Variants in DACH2 observed in about 807,000 individuals in gnomAD.
The protein encoded by DACH2 is dachshund homolog 2.
A neutral mutation model predicts 35.8 loss-of-function variants in DACH2; 17 were observed. The ratio of observed to expected loss-of-function variants is 0.48; its 90% CI spans 0.33 to 0.71. The LOEUF is 0.71. Ranked by LOEUF, DACH2 falls within the 30% of genes least tolerant of loss-of-function variation. The probability of loss-of-function intolerance (pLI) is 0.02; values close to 1 mark genes in which losing one functional copy is unlikely to be tolerated. For missense variants in DACH2, 469 were observed against 472.7 expected (o/e 0.99, Z 0.07); for synonymous variants, 195 against 177.3 (o/e 1.10, Z -0.79).
At chrX:86,357,941 A>G (rs2035669610) in intron 1 of DACH2, among the ~76,000 whole-genome samples, 1 of 112,176 alleles carries the variant, frequency 8.9e-6, no homozygotes, top group African/African-American at 3.2e-5. Context: ...GCAGCACTTG[A>G]GCTGAGTTTC....
intron 2 of DACH2, among the ~76,000 whole-genome samples, chrX:86,450,659 C>T (rs774420930): frequency 2.7e-5 from 3 of 110,219 alleles, no homozygotes; most frequent in Non-Finnish European, 3.8e-5. Flanking sequence ...CTGTCTTCCA[C>T]ATGGTTGAAA....
intron 1 of DACH2, among the ~76,000 whole-genome samples, chrX:86,234,068 G>A (rs2033006472): frequency 8.9e-6 from 1 of 112,078 alleles, no homozygotes; most frequent in Admixed American, 9.5e-5. Context: ...AGGTGTTTAT[G>A]GTTCAGGATA....
At chrX:86,782,957 A>C (rs954776458) in intron 7 of DACH2, among the ~76,000 whole-genome samples, 3 of 111,796 alleles carry the variant, frequency 2.7e-5, no homozygotes, top group African/African-American at 9.7e-5. Context: ...CAAAGAATAC[A>C]ATCAAAAAAG....
intron 2 of DACH2, among the ~76,000 whole-genome samples, chrX:86,458,845 G>A (rs1172398187): frequency 9.0e-6 from 1 of 110,704 alleles, no homozygotes; most frequent in Non-Finnish European, 1.9e-5. Flanking sequence ...ACAGGGAAGG[G>A]AATATCACAT....
intron 1 of DACH2, among the ~76,000 whole-genome samples, chrX:86,183,891 G>A (rs908294551): frequency 1.8e-5 from 2 of 111,085 alleles, no homozygotes; most frequent in African/African-American, 6.6e-5. Flanking sequence ...ACTTCTTCCT[G>A]GTTTAGACTT....
chrX:86,500,233 TC>T (rs1477060272), intron 2 of DACH2, among the ~76,000 whole-genome samples: 1 of 111,834 alleles, frequency 8.9e-6, no homozygotes, highest in East Asian at 2.8e-4. Flanking sequence ...CAGTATGTCT[TC>T]GCCGATTAAA....
At chrX:86,206,170 A>G (rs2032306032) in intron 1 of DACH2, among the ~76,000 whole-genome samples, 1 of 111,327 alleles carries the variant, frequency 9.0e-6, no homozygotes. Context: ...CTGATGAACT[A>G]CACTCATGTT....
At chrX:86,630,697 C>CT (rs72243221) in intron 3 of DACH2, among the ~76,000 whole-genome samples, 113 of 102,984 alleles carry the variant, frequency 1.1e-3, no homozygotes, top group African/African-American at 2.7e-3. Flanking sequence ...GCTTATTAAA[C>CT]TTTTTTTTTT....
intron 3 of DACH2, among the ~76,000 whole-genome samples, chrX:86,565,149 T>C (rs2039278009): frequency 9.0e-6 from 1 of 111,666 alleles, no homozygotes; most frequent in Non-Finnish European, 1.9e-5. Context: ...ATTTATCAAC[T>C]TGAAAAATAA....
chrX:86,699,432 C>T (rs1602809157), intron 5 of DACH2, among the ~76,000 whole-genome samples: 2 of 111,517 alleles, frequency 1.8e-5, no homozygotes, highest in East Asian at 2.8e-4. Flanking sequence ...GCGAAAGGCT[C>T]TTCTTACATG....
intron 1 of DACH2, among the ~76,000 whole-genome samples, chrX:86,180,202 A>ATATT (rs1555987594): frequency 2.2e-5 from 2 of 89,050 alleles, no homozygotes; most frequent in African/African-American, 8.2e-5. Context: ...ATATATATAT[A>ATATT]TATATGGTTC....
intron 3 of DACH2, among the ~76,000 whole-genome samples, chrX:86,568,858 C>T (rs2039326814): frequency 9.0e-6 from 1 of 110,634 alleles, no homozygotes; most frequent in Non-Finnish European, 1.9e-5. Flanking sequence ...TATCAAAAAC[C>T]CACAGTTATG....
intron 1 of DACH2, among the ~76,000 whole-genome samples, chrX:86,344,230 TAAAC>T (rs1261764987): frequency 1.9e-5 from 2 of 107,372 alleles, no homozygotes; most frequent in African/African-American, 6.7e-5. Context: ...ATTAAATAAA[TAAAC>T]AAATTCCATC....
intron 6 of DACH2, among the ~76,000 whole-genome samples, chrX:86,732,100 T>C (rs1342091016): frequency 8.9e-6 from 1 of 112,172 alleles, no homozygotes; most frequent in African/African-American, 3.2e-5. Flanking sequence ...GTTTTCATCA[T>C]TGGAGAAAGT....
At chrX:86,500,186 C>G (rs906482734) in intron 2 of DACH2, among the ~76,000 whole-genome samples, 12 of 111,622 alleles carry the variant, frequency 1.1e-4, no homozygotes, top group Non-Finnish European at 2.1e-4. Flanking sequence ...TGTCTACATT[C>G]TCTTTAAATC....
chrX:86,758,197 A>G (rs2041847035), intron 7 of DACH2, among the ~76,000 whole-genome samples: 1 of 111,702 alleles, frequency 9.0e-6, no homozygotes, highest in Non-Finnish European at 1.9e-5. Flanking sequence ...TATCATTTCA[A>G]AAAACCAACT....
chrX:86,519,609 C>T (rs2038521864), intron 3 of DACH2, among the ~76,000 whole-genome samples: 1 of 111,519 alleles, frequency 9.0e-6, no homozygotes, highest in African/African-American at 3.3e-5. Context: ...CACTTTCTTC[C>T]TGGCTCAGTT....
At chrX:86,532,716 A>G (rs2038740619) in intron 3 of DACH2, among the ~76,000 whole-genome samples, 1 of 111,454 alleles carries the variant, frequency 9.0e-6, no homozygotes, top group African/African-American at 3.3e-5. Context: ...ACTTATTGAG[A>G]TAATAAATTT....
At chrX:86,307,428 A>G (rs1159919934) in intron 1 of DACH2, among the ~76,000 whole-genome samples, 1 of 111,580 alleles carries the variant, frequency 9.0e-6, no homozygotes, top group East Asian at 2.8e-4. Context: ...TGGAATGGGG[A>G]TGTGTGAGAA....
Sources: allele counts gnomAD v4.1 joint callset (sites outside exome capture counted in the v4.1 genomes callset), GRCh38; gene constraint gnomAD v4.1.1; transcripts MANE v1.5; gene names NCBI Gene and HGNC (gene_info 2026-07-23, HGNC 2026-07-21).